GSE1: variants seen among roughly 807,000 people sequenced by gnomAD.
GSE1 encodes genetic suppressor element 1.
A neutral mutation model predicts 112.6 loss-of-function variants in GSE1; 32 were observed. That is an observed-to-expected ratio of 0.28 (90% CI 0.21 to 0.38). The LOEUF is 0.38. Ranked by LOEUF, GSE1 falls within the 10% of genes least tolerant of loss-of-function variation. The pLI is 1.00. For missense variants in GSE1, 2,348 were observed against 1,699.2 expected (o/e 1.38, Z -6.71); for synonymous variants, 1,115 against 735.6 (o/e 1.52, Z -8.35).
chr16:85,390,599 C>T (rs1048610206), intron 2 of GSE1, among the ~76,000 whole-genome samples: 1 of 152,172 alleles, frequency 6.6e-6, no homozygotes, highest in African/African-American at 2.4e-5. Context: ...CTGGCCTCTC[C>T]TGCTCACTCA....
At chr16:85,296,606 C>T (rs956946597) in intron 1 of GSE1, among the ~76,000 whole-genome samples, 2 of 152,118 alleles carry the variant, frequency 1.3e-5, no homozygotes, top group Non-Finnish European at 2.9e-5. Context: ...GATTCCTTCT[C>T]CAAACAAACA....
At chr16:85,226,624 G>A (rs2075490442) in intron 1 of GSE1, among the ~76,000 whole-genome samples, 1 of 152,188 alleles carries the variant, frequency 6.6e-6, no homozygotes, top group Admixed American at 6.5e-5. Flanking sequence ...GCTGCTGCCG[G>A]TGCTGTTGTG....
At chr16:85,563,922 C>T (rs1032023087) in intron 1 of GSE1, among the ~76,000 whole-genome samples, 26 of 152,258 alleles carry the variant, frequency 1.7e-4, no homozygotes, top group African/African-American at 5.5e-4. Flanking sequence ...GCACAGAACA[C>T]GTGCCTGTGA....
At chr16:85,415,389 T>G (rs1038809898) in intron 2 of GSE1, among the ~76,000 whole-genome samples, 11 of 152,214 alleles carry the variant, frequency 7.2e-5, no homozygotes, top group African/African-American at 2.4e-4. Flanking sequence ...AACAAATGAA[T>G]GACTATATAA....
chr16:85,606,648 G>T (rs534606964), upstream of GSE1, among the ~76,000 whole-genome samples: 2 of 152,248 alleles, frequency 1.3e-5, no homozygotes, highest in Non-Finnish European at 2.9e-5. Flanking sequence ...CAGGGTGCAG[G>T]ACCCAGCCTG....
chr16:85,502,306 T>C (rs1567541564), intron 2 of GSE1, among the ~76,000 whole-genome samples: 1 of 152,210 alleles, frequency 6.6e-6, no homozygotes, highest in Admixed American at 6.5e-5. Flanking sequence ...GAGATCAGCC[T>C]GTGCTGTGGG....
chr16:85,623,344 G>A (rs564969280), intron 1 of GSE1, among the ~76,000 whole-genome samples: 8 of 151,946 alleles, frequency 5.3e-5, no homozygotes, highest in East Asian at 3.9e-4. Flanking sequence ...CTCCCAAAGC[G>A]CTGGGATTAT....
chr16:85,524,895 G>C lies in GSE1; in HGVS notation c.2465-109019G>C, dbSNP rs141074630. Among the ~76,000 whole-genome samples, 3 of 152,274 alleles carry C rather than the reference G, an allele frequency of 2.0e-5. No homozygotes were observed. The East Asian group carries it at 5.8e-4, about 29-fold the overall frequency. ...CATCTCTGCATTGCTGGGATCTCCC[G>C]AGGCCCCCGAGGCCATGGAGGCTGC... On this transcript the variant is annotated intron_variant, in intron 2 of 2. Transcript: ENST00000637419.
intron 1 of GSE1, among the ~76,000 whole-genome samples, chr16:85,246,969 A>G (rs774808887): frequency 6.6e-6 from 1 of 151,918 alleles, no homozygotes; most frequent in African/African-American, 2.4e-5. Context: ...GTGCTCTTAG[A>G]ATACAATTTT....
intron 1 of GSE1, among the ~76,000 whole-genome samples, chr16:85,617,826 C>G (rs1302324103): frequency 1.3e-5 from 2 of 152,076 alleles, no homozygotes; most frequent in Non-Finnish European, 2.9e-5. Context: ...TCTCTTCCCA[C>G]CTGGGAAGCC....
intron 1 of GSE1, among the ~76,000 whole-genome samples, chr16:85,316,706 C>T (rs1171959838): frequency 2.6e-5 from 4 of 152,226 alleles, no homozygotes; most frequent in Non-Finnish European, 5.9e-5. Flanking sequence ...TGCAGTAGAT[C>T]GAGTCCCAAC....
chr16:85,296,960 C>T (rs1177675299), intron 1 of GSE1, among the ~76,000 whole-genome samples: 1 of 152,226 alleles, frequency 6.6e-6, no homozygotes, highest in African/African-American at 2.4e-5. Flanking sequence ...CCGGCCAGTG[C>T]CCGATCTTTC....
intron 2 of GSE1, among the ~76,000 whole-genome samples, chr16:85,645,550 C>A (rs760082861): frequency 6.6e-5 from 10 of 151,124 alleles, no homozygotes; most frequent in Non-Finnish European, 1.2e-4. Flanking sequence ...AGTTCTGTTT[C>A]CACATCGGGA....
chr16:85,280,545 G>A (rs1217983837), intron 1 of GSE1, among the ~76,000 whole-genome samples: 3 of 152,102 alleles, frequency 2.0e-5, no homozygotes, highest in East Asian at 3.9e-4. Context: ...ACAGGCGCCC[G>A]CCACCATACC....
chr16:85,475,621 C>T (rs920209789), intron 2 of GSE1, among the ~76,000 whole-genome samples: 4 of 152,142 alleles, frequency 2.6e-5, no homozygotes, highest in Non-Finnish European at 5.9e-5. Context: ...CAATTCTGGG[C>T]CTTGTAAATC....
intron 1 of GSE1, among the ~76,000 whole-genome samples, chr16:85,356,092 A>T (rs978857034): frequency 6.6e-6 from 1 of 152,210 alleles, no homozygotes; most frequent in Non-Finnish European, 1.5e-5. Context: ...ACCCCCCTGC[A>T]GTGTGGACTG....
At chr16:85,385,420 A>G (rs2047666344) in intron 2 of GSE1, among the ~76,000 whole-genome samples, 1 of 152,122 alleles carries the variant, frequency 6.6e-6, no homozygotes, top group African/African-American at 2.4e-5. Context: ...ACGCCTGGAC[A>G]GAGACTCAAA....
intron 2 of GSE1, among the ~76,000 whole-genome samples, chr16:85,502,214 A>G (rs528703872): frequency 6.6e-6 from 1 of 152,284 alleles, no homozygotes; most frequent in East Asian, 1.9e-4. Flanking sequence ...CTGCGTCCCG[A>G]GAGAGCCTTG....
intron 2 of GSE1, among the ~76,000 whole-genome samples, chr16:85,376,901 ACCG>A (rs2047432809): frequency 6.6e-6 from 1 of 152,162 alleles, no homozygotes; most frequent in Non-Finnish European, 1.5e-5. Context: ...CACACCGCAC[ACCG>A]CACACCCGGC....
Sources: allele counts gnomAD v4.1 joint callset (sites outside exome capture counted in the v4.1 genomes callset), GRCh38; gene constraint gnomAD v4.1.1; transcripts MANE v1.5; gene names NCBI Gene and HGNC (gene_info 2026-07-23, HGNC 2026-07-21).